PTPRC: variants seen among roughly 807,000 people sequenced by gnomAD.
The protein encoded by PTPRC is receptor-type tyrosine-protein phosphatase C.
Under a neutral mutation model 155.9 loss-of-function variants are expected in PTPRC, and 44 were observed. That is an observed-to-expected ratio of 0.28 (90% CI 0.22 to 0.36). The LOEUF is 0.36. PTPRC is among the 10% of genes least tolerant of loss of function. The probability of loss-of-function intolerance (pLI) is 1.00; values close to 1 mark genes in which losing one functional copy is unlikely to be tolerated. For missense variants in PTPRC, 1,401 were observed against 1,564.6 expected, an observed-to-expected ratio of 0.90 and a Z score of 1.76; for synonymous variants, 525 against 533.1, an observed-to-expected ratio of 0.98 and a Z score of 0.21.
At chr1:198,755,093 G>A (rs114551851) in intron 32 of PTPRC, among the ~76,000 whole-genome samples, 1,963 of 152,000 alleles carry the variant, frequency 0.013, 24 homozygotes, top group Non-Finnish European at 0.016. Flanking sequence ...GTCTTCTTCT[G>A]TATGTTATTA....
chr1:198,652,944 C>T (rs2102220827), intron 2 of PTPRC, among the ~76,000 whole-genome samples: 1 of 151,876 alleles, frequency 6.6e-6, no homozygotes, highest in South Asian at 2.1e-4. Flanking sequence ...CCTCAAAATT[C>T]TGGAAGTAGA....
intron 10 of PTPRC, among the ~76,000 whole-genome samples, chr1:198,708,725 T>G (rs1329192719): frequency 6.6e-6 from 1 of 152,108 alleles, no homozygotes; most frequent in Non-Finnish European, 1.5e-5. Context: ...AACACTTAAA[T>G]AAGAAGAAAG....
intron 17 of PTPRC, among the ~76,000 whole-genome samples, chr1:198,729,458 G>A (rs1236650264): frequency 6.6e-6 from 1 of 152,090 alleles, no homozygotes; most frequent in Admixed American, 6.6e-5. Flanking sequence ...GCCCAAGCTG[G>A]TCTTGAACTG....
At chr1:198,667,523 A>T (rs530519091) in intron 2 of PTPRC, among the ~76,000 whole-genome samples, 7 of 152,342 alleles carry the variant, frequency 4.6e-5, no homozygotes, top group Admixed American at 3.9e-4. Flanking sequence ...TTGGAAAGCT[A>T]AGATTTAGCC....
intron 18 of PTPRC, 48 bp from the exon 19 acceptor site, chr1:198,732,252 T>G (rs1325295240): frequency 1.4e-6 from 2 of 1,437,748 alleles, no homozygotes; most frequent in Admixed American, 3.4e-5. Flanking sequence ...AGGGGGAAAT[T>G]ATTTTTCCTG....
intron 2 of PTPRC, among the ~76,000 whole-genome samples, chr1:198,671,560 A>G (rs895623294): frequency 2.0e-5 from 3 of 152,186 alleles, no homozygotes; most frequent in Non-Finnish European, 2.9e-5. Context: ...TGTCTTTTAT[A>G]AATTTGTGAC....
rs150049316 is a variant in PTPRC at position 198,644,065 on chromosome 1, C to T, written c.73+4724C>T. On this transcript the variant is annotated intron_variant, in intron 2 of 32. Coordinates refer to ENST00000442510, the MANE Select transcript of PTPRC (RefSeq NM_002838.5). ...CAAAGGCAAGGTTTCATCTTCAGACCATGTGTGTATATGTCACCTTGGTGC... is the reference window on the plus strand; with the variant it reads ...CAAAGGCAAGGTTTCATCTTCAGACTATGTGTGTATATGTCACCTTGGTGC... Among the ~76,000 whole-genome samples, 1,344 of 151,922 alleles carry T rather than the reference C, an allele frequency of 8.8e-3. 19 individuals are homozygous for T. The highest frequency in any genetic ancestry group is 0.03 in the African/African-American group (1,263 of 41,452).
In PTPRC at chr1:198,718,296, T is replaced by C. The variant is rs1653701329; in HGVS notation, c.1653T>C (p.Thr551=). ...ATCTTCAATATTCAACAGACTACACTTTTAAGGTAAAAGTATGCTCTCTAC... is the reference window on the plus strand; with the variant it reads ...ATCTTCAATATTCAACAGACTACACCTTTAAGGTAAAAGTATGCTCTCTAC... The part of the protein sequence containing the change: ...VKDLQYSTDY[T]FKAYFHNGDY... Residue 551 remains threonine (T), a synonymous_variant, in exon 14 of 33, where the codon ACT becomes ACC. Coordinates refer to ENST00000442510, the MANE Select transcript of PTPRC (RefSeq NM_002838.5). 1 of 1,610,650 alleles carries C rather than the reference T, an allele frequency of 6.2e-7. No homozygotes were observed. The highest frequency in any genetic ancestry group is 1.1e-5 in the South Asian group (1 of 90,850).
intron 3 of PTPRC, chr1:198,693,049 T>C: frequency 2.1e-6 from 2 of 975,220 alleles, no homozygotes; most frequent in Non-Finnish European, 2.4e-6. Context: ...TGCATAATCA[T>C]ATGGTTGACA....
intron 2 of PTPRC, among the ~76,000 whole-genome samples, chr1:198,647,839 A>C (rs749354936): frequency 4.0e-5 from 6 of 151,822 alleles, no homozygotes; most frequent in Non-Finnish European, 7.4e-5. Context: ...GGCTGAGGAC[A>C]CCTATCCCAT....
chr1:198,698,570 T>C (rs1222562387), intron 4 of PTPRC, among the ~76,000 whole-genome samples: 2 of 152,072 alleles, frequency 1.3e-5, no homozygotes, highest in African/African-American at 4.8e-5. Context: ...AAATTGTTCA[T>C]TTTTGAAAAT....
intron 32 of PTPRC, 190 bp downstream of exon 32, chr1:198,754,594 A>ATAAAAG: frequency 3.0e-6 from 2 of 674,078 alleles, no homozygotes; most frequent in Non-Finnish European, 4.8e-6. Context: ...TTAAATTATT[A>ATAAAAG]TAAGTCTAAA....
At chr1:198,666,571 A>G (rs1243792843) in intron 2 of PTPRC, among the ~76,000 whole-genome samples, 2 of 152,242 alleles carry the variant, frequency 1.3e-5, no homozygotes, top group Non-Finnish European at 2.9e-5. Flanking sequence ...ATGATGTGAT[A>G]TAACAGCAGC....
At chr1:198,670,557 A>G (rs1664584484) in intron 2 of PTPRC, among the ~76,000 whole-genome samples, 1 of 152,160 alleles carries the variant, frequency 6.6e-6, no homozygotes, top group South Asian at 2.1e-4. Context: ...CATTTCTTCC[A>G]TAGACTCCAA....
intron 2 of PTPRC, chr1:198,679,665 T>C (rs1176544781): frequency 6.7e-6 from 2 of 298,608 alleles, no homozygotes; most frequent in African/African-American, 2.2e-5. Flanking sequence ...CAGCAGCCTG[T>C]CCTGTTTGTA....
chr1:198,654,661 A>C (rs575820508), intron 2 of PTPRC, among the ~76,000 whole-genome samples: 4 of 151,920 alleles, frequency 2.6e-5, no homozygotes, highest in Admixed American at 2.6e-4. Flanking sequence ...TCCATTTTAA[A>C]CCTGCTGTCC....
At chr1:198,750,717 G>C in intron 29 of PTPRC, 91 bp downstream of exon 29, 1 of 1,498,112 alleles carries the variant, frequency 6.7e-7, no homozygotes, top group Non-Finnish European at 9.2e-7. Flanking sequence ...CCATACCCAC[G>C]TCTTTTTTTA....
At chr1:198,711,460 CCT>C (rs1653307097) in intron 11 of PTPRC, among the ~76,000 whole-genome samples, 1 of 152,048 alleles carries the variant, frequency 6.6e-6, no homozygotes, top group African/African-American at 2.4e-5. Flanking sequence ...TCAGCTCTCA[CCT>C]CTCAACAAAC....
At chr1:198,719,570 C>CT (rs983389174) in intron 14 of PTPRC, among the ~76,000 whole-genome samples, 7 of 151,770 alleles carry the variant, frequency 4.6e-5, no homozygotes, top group East Asian at 1.9e-4. Flanking sequence ...GCCTCATATT[C>CT]TTTTTTTGTT....
Sources: allele counts gnomAD v4.1 joint callset (sites outside exome capture counted in the v4.1 genomes callset), GRCh38; gene constraint gnomAD v4.1.1; transcripts MANE v1.5; gene names NCBI Gene and HGNC (gene_info 2026-07-23, HGNC 2026-07-21).